PLCB1: variants seen among roughly 807,000 people sequenced by gnomAD.
PLCB1 encodes 1-phosphatidylinositol 4,5-bisphosphate phosphodiesterase beta-1.
In PLCB1, 46 loss-of-function variants were observed where a neutral mutation model predicts 161.8. That is an observed-to-expected ratio of 0.28 (90% confidence interval 0.22 to 0.36). PLCB1 has a LOEUF of 0.36. Ranked by LOEUF, PLCB1 falls within the 10% of genes least tolerant of loss-of-function variation. The pLI is 1.00. For synonymous variants in PLCB1, 517 were observed against 503.7 expected (o/e 1.03, Z -0.35); for missense variants, 1,016 against 1,472.5 (o/e 0.69, Z 5.07).
chr20:8,372,854 A>C (rs566567619), intron 3 of PLCB1, among the ~76,000 whole-genome samples: 1 of 152,172 alleles, frequency 6.6e-6, no homozygotes, highest in African/African-American at 2.4e-5. Flanking sequence ...TGCAATTTCA[A>C]TATCGATATT....
chr20:8,814,864 G>C (rs1445285049), intron 31 of PLCB1, among the ~76,000 whole-genome samples: 1 of 152,144 alleles, frequency 6.6e-6, no homozygotes, highest in Admixed American at 6.5e-5. Context: ...AGCAGATGTA[G>C]AAAGAGGCCC....
At chr20:8,240,319 C>CA (rs1471955760) in intron 2 of PLCB1, among the ~76,000 whole-genome samples, 2 of 151,652 alleles carry the variant, frequency 1.3e-5, no homozygotes, top group African/African-American at 2.4e-5. Context: ...CACACACACA[C>CA]ATTTGCTTAA....
At chr20:8,660,601 A>G (rs1989596021) in intron 9 of PLCB1, among the ~76,000 whole-genome samples, 1 of 152,110 alleles carries the variant, frequency 6.6e-6, no homozygotes. Context: ...GAGGGTACAA[A>G]GAGAAAAAAT....
chr20:8,767,921 C>G (rs1055261541), intron 26 of PLCB1, among the ~76,000 whole-genome samples: 5 of 152,160 alleles, frequency 3.3e-5, no homozygotes, highest in African/African-American at 4.8e-5. Flanking sequence ...CAATGGCTCA[C>G]TCCTGTAATC....
At chr20:8,670,537 G>A (rs1989916951) in intron 9 of PLCB1, among the ~76,000 whole-genome samples, 1 of 152,178 alleles carries the variant, frequency 6.6e-6, no homozygotes, top group African/African-American at 2.4e-5. Flanking sequence ...TTTGCACATA[G>A]TTATGGTAAT....
intron 3 of PLCB1, among the ~76,000 whole-genome samples, chr20:8,609,205 C>A (rs540831005): frequency 1.3e-5 from 2 of 152,066 alleles, no homozygotes; most frequent in Non-Finnish European, 2.9e-5. Flanking sequence ...AAAGTAATTG[C>A]GGTTTTTGTC....
chr20:8,877,132 CATATT>C (rs1294898839), intron 31 of PLCB1, among the ~76,000 whole-genome samples: 1 of 152,130 alleles, frequency 6.6e-6, no homozygotes, highest in African/African-American at 2.4e-5. Flanking sequence ...AAATTCAACA[CATATT>C]AGAGTACAAA....
chr20:8,765,489 C>T (rs1179973463), intron 26 of PLCB1, 131 bp downstream of exon 26: 7 of 657,702 alleles, frequency 1.1e-5, no homozygotes, highest in Admixed American at 3.1e-5. Flanking sequence ...TTCTCCATAG[C>T]TTTTGTGGCA....
intron 4 of PLCB1, among the ~76,000 whole-genome samples, chr20:8,628,861 G>A (rs1020544859): frequency 6.6e-6 from 1 of 152,038 alleles, no homozygotes; most frequent in Non-Finnish European, 1.5e-5. Context: ...TTGAACCCAG[G>A]AGGTGGAGGT....
chr20:8,322,807 C>T (rs1008922439), intron 2 of PLCB1, among the ~76,000 whole-genome samples: 6 of 152,164 alleles, frequency 3.9e-5, no homozygotes, highest in Admixed American at 3.9e-4. Context: ...CTCTCCCTTG[C>T]TTGGTAGAGT....
intron 3 of PLCB1, among the ~76,000 whole-genome samples, chr20:8,507,891 T>A (rs1983705730): frequency 6.6e-6 from 1 of 152,192 alleles, no homozygotes; most frequent in Admixed American, 6.5e-5. Context: ...AGTTTATGTG[T>A]CTCCTTTTCT....
chr20:8,494,217 A>T (rs1983067434), intron 3 of PLCB1, among the ~76,000 whole-genome samples: 1 of 152,238 alleles, frequency 6.6e-6, no homozygotes, highest in Non-Finnish European at 1.5e-5. Context: ...GATAAACTTA[A>T]GATTACAAGA....
intron 2 of PLCB1, among the ~76,000 whole-genome samples, chr20:8,346,542 T>C (rs1318466483): frequency 6.6e-6 from 1 of 152,206 alleles, no homozygotes; most frequent in Non-Finnish European, 1.5e-5. Context: ...CTCAAAGTAA[T>C]CATGAGTTAT....
chr20:8,803,156 C>T (rs1475566901), intron 31 of PLCB1, among the ~76,000 whole-genome samples: 3 of 151,982 alleles, frequency 2.0e-5, no homozygotes, highest in East Asian at 1.9e-4. Flanking sequence ...TGGCTCAGAG[C>T]TTTTCAGACC....
intron 2 of PLCB1, among the ~76,000 whole-genome samples, chr20:8,331,726 G>C (rs1339241951): frequency 6.6e-6 from 1 of 152,158 alleles, no homozygotes; most frequent in Non-Finnish European, 1.5e-5. Context: ...GCTCATAGAA[G>C]GTGGAAACTC....
intron 27 of PLCB1, among the ~76,000 whole-genome samples, chr20:8,783,463 AT>A (rs1983335280): frequency 1.3e-5 from 2 of 152,232 alleles, no homozygotes; most frequent in Non-Finnish European, 2.9e-5. Context: ...CTATTTTCAC[AT>A]CTTATGCAGT....
At chr20:8,232,467 G>A (rs1980105938) in intron 2 of PLCB1, among the ~76,000 whole-genome samples, 1 of 152,098 alleles carries the variant, frequency 6.6e-6, no homozygotes, top group Admixed American at 6.6e-5. Flanking sequence ...TAAGTTCCCT[G>A]GCACTAGAGC....
intron 2 of PLCB1, among the ~76,000 whole-genome samples, chr20:8,164,256 C>T (rs113026399): frequency 2.0e-5 from 3 of 152,138 alleles, no homozygotes; most frequent in Admixed American, 2.0e-4. Context: ...GGACACCAGG[C>T]AGAATGACTT....
chr20:8,740,679 T>C (rs1980830024), intron 22 of PLCB1, among the ~76,000 whole-genome samples: 1 of 152,234 alleles, frequency 6.6e-6, no homozygotes, highest in Non-Finnish European at 1.5e-5. Flanking sequence ...GTTTTTTGAA[T>C]ATTTATTCCC....
Sources: gnomAD v4.1 joint callset for allele counts (sites outside exome capture counted in the v4.1 genomes callset) on GRCh38, gnomAD v4.1.1 for gene constraint, MANE v1.5 for transcripts, NCBI Gene and HGNC (gene_info 2026-07-23, HGNC 2026-07-21) for gene names.